The following SPATA31H1 variants were observed in gnomAD, a reference collection of about 807,000 sequenced individuals.
SPATA31H1 encodes SPATA31 subfamily H member 1.
the SPATA31H1 span, among the ~76,000 whole-genome samples, chr2:27,552,775 C>A: frequency 6.6e-6 from 1 of 152,024 alleles, no homozygotes; most frequent in Non-Finnish European, 1.5e-5. Context: ...ATGCTTTGAA[C>A]CTCTCAGTGT....
the SPATA31H1 span, chr2:27,573,840 A>G: frequency 2.5e-6 from 1 of 398,512 alleles, no homozygotes; most frequent in Non-Finnish European, 4.4e-6. Flanking sequence ...ACAAAGTGAT[A>G]AAACTGTAGC....
chr2:27,554,695 A>T, the SPATA31H1 span, among the ~76,000 whole-genome samples: 4 of 151,958 alleles, frequency 2.6e-5, 1 homozygote, highest in African/African-American at 9.7e-5. Flanking sequence ...TGCCTCAGCT[A>T]TTTGAGTAGC....
the SPATA31H1 span, chr2:27,580,159 C>T: frequency 1.9e-6 from 3 of 1,614,130 alleles, no homozygotes; most frequent in Non-Finnish European, 2.5e-6. Context: ...CCTATATCAC[C>T]ATCACAAAGG....
chr2:27,548,999 A>G, the SPATA31H1 span, among the ~76,000 whole-genome samples: 41 of 147,780 alleles, frequency 2.8e-4, no homozygotes, highest in Non-Finnish European at 5.0e-4. Flanking sequence ...GCTTGAACCC[A>G]GGAGGCGGAA....
At chr2:27,581,429 G>A in the SPATA31H1 span, 4 of 1,614,082 alleles carry the variant, frequency 2.5e-6, no homozygotes, top group Middle Eastern at 1.6e-4. Context: ...GTCCCCCCGA[G>A]AGGAGCTGTC....
the SPATA31H1 span, chr2:27,579,974 T>TAA: frequency 6.2e-7 from 1 of 1,614,106 alleles, no homozygotes; most frequent in African/African-American, 1.3e-5. Flanking sequence ...ATTGCCATCA[T>TAA]AAATTACAGA....
the SPATA31H1 span, among the ~76,000 whole-genome samples, chr2:27,542,040 T>C: frequency 7.2e-5 from 11 of 152,154 alleles, no homozygotes; most frequent in Admixed American, 6.5e-4. Context: ...TCCAAAGTGC[T>C]GGGACTACAG....
At chr2:27,579,350 G>T in the SPATA31H1 span, 2 of 1,614,206 alleles carry the variant, frequency 1.2e-6, no homozygotes, top group South Asian at 2.2e-5. Flanking sequence ...AATCTATTCA[G>T]AATTTATTTG....
At chr2:27,568,239 C>T in the SPATA31H1 span, 13 of 398,832 alleles carry the variant, frequency 3.3e-5, no homozygotes, top group Non-Finnish European at 5.3e-5. Context: ...ATTGTTGAAC[C>T]ATCAAGACAC....
chr2:27,565,149 T>C, the SPATA31H1 span, among the ~76,000 whole-genome samples: 3 of 152,276 alleles, frequency 2.0e-5, no homozygotes, highest in African/African-American at 7.2e-5. Context: ...TTAATCACCG[T>C]CCTCTATATT....
chr2:27,559,687 G>A, the SPATA31H1 span, among the ~76,000 whole-genome samples: 2 of 151,814 alleles, frequency 1.3e-5, no homozygotes, highest in South Asian at 2.1e-4. Context: ...TTAAATATAT[G>A]TGCTTATCCA....
At chr2:27,582,070 C>A in the SPATA31H1 span, 7 of 1,614,018 alleles carry the variant, frequency 4.3e-6, no homozygotes, top group Non-Finnish European at 5.9e-6. Flanking sequence ...TCTCACAGGT[C>A]CTTTGAGAGG....
the SPATA31H1 span, chr2:27,582,344 C>A: frequency 4.3e-6 from 7 of 1,613,948 alleles, no homozygotes; most frequent in South Asian, 1.1e-5. Flanking sequence ...CTGGGAGGAA[C>A]CATTGCAGTC....
chr2:27,555,062 TTCTA>T, the SPATA31H1 span, among the ~76,000 whole-genome samples: 1 of 152,064 alleles, frequency 6.6e-6, no homozygotes, highest in Non-Finnish European at 1.5e-5. Context: ...GGAAGTCTCC[TTCTA>T]TTCCTGTTTG....
At chr2:27,566,878 T>G in the SPATA31H1 span, 1 of 717,604 alleles carries the variant, frequency 1.4e-6, no homozygotes, top group Non-Finnish European at 2.6e-6. Flanking sequence ...AGCATCTCCT[T>G]TAGTTCATCA....
chr2:27,566,226 T>C, the SPATA31H1 span: 1 of 710,854 alleles, frequency 1.4e-6, no homozygotes, highest in African/African-American at 1.8e-5. Flanking sequence ...ATCTCTCTTA[T>C]TGTTTTCCTT....
At chr2:27,568,442 A>G in the SPATA31H1 span, 2 of 398,908 alleles carry the variant, frequency 5.0e-6, no homozygotes. Context: ...TGATCTCAGC[A>G]CCATTACATC....
the SPATA31H1 span, among the ~76,000 whole-genome samples, chr2:27,541,251 G>T: frequency 6.6e-4 from 101 of 152,130 alleles, 1 homozygote; most frequent in African/African-American, 2.4e-3. Context: ...CCAGTCAGGC[G>T]TGGCGTGGCG....
At chr2:27,545,258 G>C in the SPATA31H1 span, among the ~76,000 whole-genome samples, 1 of 151,922 alleles carries the variant, frequency 6.6e-6, no homozygotes, top group Non-Finnish European at 1.5e-5. Flanking sequence ...CCTGACCTCA[G>C]GTGATCTGCC....
Sources: gnomAD v4.1 joint callset for allele counts (sites outside exome capture counted in the v4.1 genomes callset) on GRCh38, gnomAD v4.1.1 for gene constraint, MANE v1.5 for transcripts, NCBI Gene and HGNC (gene_info 2026-07-23, HGNC 2026-07-21) for gene names.